The following ENOX1 variants were observed in gnomAD, a reference collection of about 807,000 sequenced individuals.
ENOX1 encodes the protein ecto-NOX disulfide-thiol exchanger 1.
Under a neutral mutation model 82.5 loss-of-function variants are expected in ENOX1, and 42 were observed. The observed-to-expected ratio is 0.51, with a 90% CI of 0.40 to 0.66. The LOEUF (loss-of-function observed/expected upper bound fraction) is 0.66, where lower values mean the gene tolerates loss of function less well. Ranked by LOEUF, ENOX1 falls within the 30% of genes least tolerant of loss-of-function variation. ENOX1 has a pLI of 0.00. For synonymous variants in ENOX1, 271 were observed against 282.2 expected (o/e 0.96, Z 0.40); for missense variants, 608 against 811.6 (o/e 0.75, Z 3.05).
chr13:43,778,190 G>A (rs1952036125), intron 1 of ENOX1, among the ~76,000 whole-genome samples: 1 of 152,102 alleles, frequency 6.6e-6, no homozygotes, highest in African/African-American at 2.4e-5. Context: ...TTCCTACATG[G>A]GACAATTAGA....
At chr13:43,713,845 T>C in intron 1 of ENOX1, among the ~76,000 whole-genome samples, 1 of 151,708 alleles carries the variant, frequency 6.6e-6, no homozygotes, top group African/African-American at 2.4e-5. Flanking sequence ...TCAATTTTGT[T>C]GATCCTTTCA....
At chr13:43,780,238 C>T (rs1299848586) in intron 1 of ENOX1, among the ~76,000 whole-genome samples, 8 of 148,622 alleles carry the variant, frequency 5.4e-5, no homozygotes, top group Admixed American at 3.3e-4. Context: ...AAATGCCCAA[C>T]AAATGTTTAT....
At chr13:43,399,209 C>T (rs2053345595) in intron 5 of ENOX1, among the ~76,000 whole-genome samples, 1 of 152,098 alleles carries the variant, frequency 6.6e-6, no homozygotes, top group African/African-American at 2.4e-5. Context: ...TATTATAAGG[C>T]TTTTGGATAA....
chr13:43,746,975 T>C (rs753797766), intron 1 of ENOX1, among the ~76,000 whole-genome samples: 31 of 152,196 alleles, frequency 2.0e-4, no homozygotes, highest in Non-Finnish European at 4.1e-4. Flanking sequence ...TGCATCACCA[T>C]GCCTCAGATA....
chr13:43,278,935 A>G (rs1279024251), intron 12 of ENOX1, among the ~76,000 whole-genome samples: 1 of 152,204 alleles, frequency 6.6e-6, no homozygotes, highest in Non-Finnish European at 1.5e-5. Context: ...ATTTTATGAT[A>G]ATTAATGAAA....
chr13:43,750,024 T>A (rs1307753147), intron 1 of ENOX1, among the ~76,000 whole-genome samples: 2 of 152,186 alleles, frequency 1.3e-5, no homozygotes, highest in Non-Finnish European at 2.9e-5. Flanking sequence ...CTGGATCTCA[T>A]TTTTTTAAAT....
intron 2 of ENOX1, among the ~76,000 whole-genome samples, chr13:43,606,077 T>A (rs558162233): frequency 6.6e-6 from 1 of 152,264 alleles, no homozygotes; most frequent in Non-Finnish European, 1.5e-5. Context: ...TCATTGACCA[T>A]CAGAGAAATG....
chr13:43,247,866 TATATATA>T (rs1566329707), intron 14 of ENOX1, among the ~76,000 whole-genome samples: 12 of 2,344 alleles, frequency 5.1e-3, no homozygotes, highest in African/African-American at 0.015. Flanking sequence ...TATATATATA[TATATATA>T]TATATATATA....
intron 3 of ENOX1, among the ~76,000 whole-genome samples, chr13:43,440,277 G>GA (rs1034534216): frequency 6.6e-6 from 1 of 152,094 alleles, no homozygotes. Context: ...CTAAATGAAT[G>GA]AAAAGATGAA....
intron 1 of ENOX1, among the ~76,000 whole-genome samples, chr13:43,732,744 G>T (rs2089416780): frequency 2.0e-5 from 3 of 152,304 alleles, no homozygotes; most frequent in African/African-American, 7.2e-5. Context: ...AGTTCAGAGG[G>T]CAGAGCATGG....
chr13:43,233,864 C>T (rs1196944425), intron 15 of ENOX1, among the ~76,000 whole-genome samples: 1 of 152,070 alleles, frequency 6.6e-6, no homozygotes, highest in Non-Finnish European at 1.5e-5. Context: ...ACTTTTGTGT[C>T]CTCTCTACTG....
chr13:43,314,830 G>A (rs781067825), intron 11 of ENOX1, among the ~76,000 whole-genome samples: 2 of 152,170 alleles, frequency 1.3e-5, no homozygotes, highest in East Asian at 1.9e-4. Flanking sequence ...CCTTTGGAAG[G>A]TCTGGCCCAG....
At position 43,651,970 on chromosome 13, in the gene ENOX1, C is replaced by CAA. The variant is rs35793831; in HGVS notation, c.-219+15507_-219+15508dup. On this transcript the variant is annotated intron_variant, in intron 2 of 16. Transcript: ENST00000690772. The stretch of plus-strand genomic sequence containing the variant: ...GGGCAACAAGAGTGAAACTTCGTCT[C>CAA]AAAAAAAAAAAAAAAAAAAAAAAAC... Among the ~76,000 whole-genome samples, 121 of 84,046 alleles carry CAA rather than the reference C, an allele frequency of 1.4e-3. 1 individual carries two copies. Among genetic ancestry groups the CAA allele is most frequent in the African/African-American group, 4.3e-3 (85 of 19,800 alleles). The allele number at this position is 84,046 out of a possible 152,430, so 55.1% of individuals were successfully genotyped here.
At chr13:43,595,830 T>G (rs1019344795) in intron 2 of ENOX1, among the ~76,000 whole-genome samples, 4 of 152,238 alleles carry the variant, frequency 2.6e-5, no homozygotes, top group Non-Finnish European at 4.4e-5. Flanking sequence ...TTAGTGTCTG[T>G]TCTTTTCTTT....
At chr13:43,623,878 C>A (rs986145384) in intron 2 of ENOX1, among the ~76,000 whole-genome samples, 1 of 152,082 alleles carries the variant, frequency 6.6e-6, no homozygotes, top group Non-Finnish European at 1.5e-5. Flanking sequence ...GTAAATAAAG[C>A]TGCTATGAAT....
intron 15 of ENOX1, among the ~76,000 whole-genome samples, chr13:43,229,590 C>T (rs766969283): frequency 1.1e-4 from 17 of 152,170 alleles, no homozygotes; most frequent in Non-Finnish European, 2.2e-4. Flanking sequence ...TGGTTCTAAG[C>T]AGGTGCTTGA....
intron 2 of ENOX1, among the ~76,000 whole-genome samples, chr13:43,522,684 C>A (rs1422390241): frequency 2.0e-5 from 3 of 152,102 alleles, no homozygotes; most frequent in Non-Finnish European, 4.4e-5. Flanking sequence ...ATCATGCTGT[C>A]TTTTCATGCA....
At chr13:43,557,401 G>T (rs1037559600) in intron 2 of ENOX1, among the ~76,000 whole-genome samples, 1 of 152,142 alleles carries the variant, frequency 6.6e-6, no homozygotes, top group Non-Finnish European at 1.5e-5. Flanking sequence ...AAGGGGCACT[G>T]GGAGGATGGT....
At chr13:43,309,055 G>A (rs539362517) in intron 11 of ENOX1, among the ~76,000 whole-genome samples, 5 of 135,808 alleles carry the variant, frequency 3.7e-5, no homozygotes, top group East Asian at 4.3e-4. Flanking sequence ...CCAGAGTCTC[G>A]CTGTCACCCA....
Sources: allele counts gnomAD v4.1 joint callset (sites outside exome capture counted in the v4.1 genomes callset), GRCh38; gene constraint gnomAD v4.1.1; transcripts MANE v1.5; gene names NCBI Gene and HGNC (gene_info 2026-07-23, HGNC 2026-07-21).